Variants in BMPR1B observed in about 807,000 individuals in gnomAD.
The protein encoded by BMPR1B is bone morphogenetic protein receptor type-1B.
Under a neutral mutation model 59.1 loss-of-function variants are expected in BMPR1B, and 12 were observed. The observed-to-expected ratio is 0.20, with a 90% CI of 0.13 to 0.33. The LOEUF (loss-of-function observed/expected upper bound fraction) is 0.33. Among genes scored for constraint, BMPR1B ranks in the 10% least tolerant of loss-of-function variants. The probability of loss-of-function intolerance (pLI) is 1.00; values close to 1 mark genes in which losing one functional copy is unlikely to be tolerated. For synonymous variants in BMPR1B, 237 were observed against 207.3 expected (o/e 1.14, Z -1.23); for missense variants, 550 against 610.9 (o/e 0.90, Z 1.05).
chr4:94,873,432 G>T (rs1301651936), intron 1 of BMPR1B, among the ~76,000 whole-genome samples: 1 of 142,002 alleles, frequency 7.0e-6, no homozygotes, highest in African/African-American at 2.8e-5. Context: ...TTTTGAGACA[G>T]AGTTTCGCTC....
At chr4:95,025,465 G>A (rs1578947999) in intron 3 of BMPR1B, among the ~76,000 whole-genome samples, 1 of 152,212 alleles carries the variant, frequency 6.6e-6, no homozygotes, top group East Asian at 1.9e-4. Context: ...TTGGGCTGGG[G>A]TTTTTGTAGT....
intron 2 of BMPR1B, among the ~76,000 whole-genome samples, chr4:94,949,683 T>C (rs1464510829): frequency 1.3e-5 from 2 of 152,054 alleles, no homozygotes; most frequent in African/African-American, 4.8e-5. Flanking sequence ...CTTTATTCAA[T>C]CTGTCATTGA....
intron 3 of BMPR1B, among the ~76,000 whole-genome samples, chr4:95,000,964 C>A (rs1220161030): frequency 2.6e-5 from 4 of 152,142 alleles, no homozygotes; most frequent in African/African-American, 9.7e-5. Flanking sequence ...GACTTGAAAG[C>A]TTTTCTTCAG....
rs1722762157 is a variant in BMPR1B at position 95,005,541 on chromosome 4, C to T, written c.-18+9407C>T. On this transcript the variant is annotated intron_variant, in intron 3 of 12. Transcript: ENST00000515059. ...AGGAGCCATACATGTTATCACTCCC[C>T]TCTGTGTTTCCCTCCTCCCCTCCCA... Among the ~76,000 whole-genome samples the T allele has an allele frequency of 2.0e-5, 3 of 152,122 alleles. No homozygotes were observed. The South Asian group carries it at 6.2e-4, about 32-fold the overall frequency.
chr4:94,762,191 A>G (rs1721799560), intron 1 of BMPR1B, among the ~76,000 whole-genome samples: 2 of 152,002 alleles, frequency 1.3e-5, no homozygotes, highest in Admixed American at 6.5e-5. Context: ...TTGAATGCCT[A>G]CTCTGTGTGT....
intron 2 of BMPR1B, among the ~76,000 whole-genome samples, chr4:94,923,977 C>T (rs1728793934): frequency 6.6e-6 from 1 of 152,080 alleles, no homozygotes; most frequent in Non-Finnish European, 1.5e-5. Flanking sequence ...TGGGTTGCTT[C>T]CAGTTATTAT....
chr4:94,955,274 C>T (rs1320048518), intron 2 of BMPR1B, among the ~76,000 whole-genome samples: 1 of 152,184 alleles, frequency 6.6e-6, no homozygotes, highest in African/African-American at 2.4e-5. Context: ...ACAGCAGAAA[C>T]TGTGTTTCAT....
chr4:94,760,763 A>G (rs535801686), intron 1 of BMPR1B, among the ~76,000 whole-genome samples: 38 of 152,290 alleles, frequency 2.5e-4, no homozygotes, highest in African/African-American at 8.2e-4. Flanking sequence ...TCTGAATTTC[A>G]GATGCCCAGC....
intron 3 of BMPR1B, among the ~76,000 whole-genome samples, chr4:95,087,753 G>A (rs1024963397): frequency 6.6e-6 from 1 of 151,904 alleles, no homozygotes; most frequent in Non-Finnish European, 1.5e-5. Context: ...ATAAATAAAA[G>A]AAAGAAAAGA....
At chr4:94,970,291 CT>C (rs1560573119) in intron 2 of BMPR1B, among the ~76,000 whole-genome samples, 4,951 of 53,298 alleles carry the variant, frequency 0.093, 221 homozygotes, top group African/African-American at 0.17. Flanking sequence ...CTTCTCTTCT[CT>C]TCTCTTCTCT....
At chr4:94,839,267 C>G (rs1724947557) in intron 1 of BMPR1B, among the ~76,000 whole-genome samples, 1 of 134,454 alleles carries the variant, frequency 7.4e-6, no homozygotes. Flanking sequence ...CTGTAGATGT[C>G]TATTAGGTCT....
intron 2 of BMPR1B, among the ~76,000 whole-genome samples, chr4:94,947,573 G>T (rs757080316): frequency 6.6e-6 from 1 of 152,310 alleles, no homozygotes; most frequent in East Asian, 1.9e-4. Context: ...TTGTATACCC[G>T]TGTGATTGGA....
chr4:94,758,888 A>C, intron 1 of BMPR1B, among the ~76,000 whole-genome samples: 2 of 150,096 alleles, frequency 1.3e-5, no homozygotes, highest in African/African-American at 2.5e-5. Flanking sequence ...CTGTCCCTTC[A>C]TCCTCTTCCC....
At chr4:94,985,488 C>T (rs1173691072) in intron 2 of BMPR1B, among the ~76,000 whole-genome samples, 1 of 149,482 alleles carries the variant, frequency 6.7e-6, no homozygotes, top group Non-Finnish European at 1.5e-5. Context: ...TTAACCAACA[C>T]CAGAGAAACC....
chr4:94,773,674 C>T (rs1447727112), intron 1 of BMPR1B, among the ~76,000 whole-genome samples: 1 of 151,956 alleles, frequency 6.6e-6, no homozygotes, highest in East Asian at 1.9e-4. Flanking sequence ...GCTAATTTTA[C>T]CAGAGATAAA....
intron 2 of BMPR1B, among the ~76,000 whole-genome samples, chr4:94,941,251 G>T (rs12640910): frequency 0.29 from 43,835 of 151,818 alleles, 6,359 homozygotes; most frequent in South Asian, 0.4. Flanking sequence ...CCAGCATAGC[G>T]AAACCCCATC....
At chr4:95,083,787 G>A (rs966229656) in intron 3 of BMPR1B, among the ~76,000 whole-genome samples, 25 of 152,016 alleles carry the variant, frequency 1.6e-4, no homozygotes, top group African/African-American at 6.0e-4. Context: ...CTTTTTTTGT[G>A]TGTTTCTTCA....
At chr4:94,945,430 T>C (rs563425399) in intron 2 of BMPR1B, among the ~76,000 whole-genome samples, 2 of 152,294 alleles carry the variant, frequency 1.3e-5, no homozygotes, top group South Asian at 4.1e-4. Context: ...AAGAAATATA[T>C]CTACTTCTTT....
At chr4:94,968,875 C>T (rs1730664345) in intron 2 of BMPR1B, among the ~76,000 whole-genome samples, 1 of 152,148 alleles carries the variant, frequency 6.6e-6, no homozygotes, top group South Asian at 2.1e-4. Flanking sequence ...TGTAGGAGGA[C>T]GTTCTTTGCC....
Sources: gnomAD v4.1 joint callset for allele counts (sites outside exome capture counted in the v4.1 genomes callset) on GRCh38, gnomAD v4.1.1 for gene constraint, MANE v1.5 for transcripts, NCBI Gene and HGNC (gene_info 2026-07-23, HGNC 2026-07-21) for gene names.